ME1: variants seen among roughly 807,000 people sequenced by gnomAD.
The protein encoded by ME1 is NADP-dependent malic enzyme.
ME1 carries 74 observed loss-of-function variants against 66.4 expected under a neutral mutation model. The ratio of observed to expected loss-of-function variants is 1.11; its 90% CI spans 0.92 to 1.35. ME1 has a LOEUF of 1.35. Among genes scored for constraint, ME1 ranks in the 40% most tolerant of loss-of-function variants. The pLI is 0.00. For synonymous variants in ME1, 251 were observed against 235.6 expected (o/e 1.07, Z -0.60); for missense variants, 750 against 694.1 (o/e 1.08, Z -0.90).
At chr6:83,246,568 T>C (rs1790627838) in intron 7 of ME1, among the ~76,000 whole-genome samples, 1 of 152,148 alleles carries the variant, frequency 6.6e-6, no homozygotes, top group Non-Finnish European at 1.5e-5. Flanking sequence ...AAAATATTAT[T>C]TTGTACAGTT....
Position 83,352,153 on chromosome 6 carries a change from A to G in ME1, c.363-14T>C. On this transcript the variant is annotated splice_polypyrimidine_tract_variant and intron_variant, in intron 3 of 13. Transcript: ENST00000369705. ...ATAAAGAGACCTCTGCAGAAAAAAA[A>G]AAAAAAAAAGGAGTAGTTTACATTT... The G allele has an allele frequency of 1.3e-6, 2 of 1,506,144 alleles. No homozygotes were observed. The highest frequency in any genetic ancestry group is 1.4e-5 in the African/African-American group (1 of 69,576). 93.3% of individuals were successfully genotyped at this position (1,506,144 alleles called of 1,614,324 possible).
intron 6 of ME1, among the ~76,000 whole-genome samples, chr6:83,281,492 C>G (rs559657275): frequency 1.4e-4 from 22 of 152,106 alleles, no homozygotes; most frequent in African/African-American, 4.8e-4. Flanking sequence ...CTGAAAATGT[C>G]AAGGCAAGGC....
intron 1 of ME1, among the ~76,000 whole-genome samples, chr6:83,426,811 T>G (rs1002940772): frequency 2.0e-5 from 3 of 152,208 alleles, no homozygotes; most frequent in African/African-American, 4.8e-5. Context: ...AAGAGTGGTG[T>G]TGTTTGGAGA....
intron 6 of ME1, among the ~76,000 whole-genome samples, chr6:83,312,155 CA>C (rs1362879861): frequency 2.6e-5 from 4 of 152,132 alleles, no homozygotes; most frequent in African/African-American, 9.7e-5. Flanking sequence ...GCCCTTTACC[CA>C]AGTAACTATG....
At chr6:83,426,555 T>C (rs1770373850) in intron 1 of ME1, among the ~76,000 whole-genome samples, 1 of 152,248 alleles carries the variant, frequency 6.6e-6, no homozygotes, top group African/African-American at 2.4e-5. Flanking sequence ...TCAGGTCTAG[T>C]TTACATTGAA....
intron 13 of ME1, among the ~76,000 whole-genome samples, chr6:83,215,480 T>TTTAGC: frequency 6.6e-6 from 1 of 152,350 alleles, no homozygotes; most frequent in Non-Finnish European, 1.5e-5. Flanking sequence ...CTAAACTGTG[T>TTTAGC]TCCTCCCACC....
At chr6:83,283,759 C>T (rs1199828742) in intron 6 of ME1, among the ~76,000 whole-genome samples, 1 of 152,084 alleles carries the variant, frequency 6.6e-6, no homozygotes, top group Non-Finnish European at 1.5e-5. Context: ...AAGAAAATTT[C>T]CCTAATCTTG....
At chr6:83,403,711 C>T (rs1769878517) in intron 2 of ME1, among the ~76,000 whole-genome samples, 1 of 152,080 alleles carries the variant, frequency 6.6e-6, no homozygotes, top group Non-Finnish European at 1.5e-5. Context: ...TCCATGTGTT[C>T]TCATTGTTCA....
intron 6 of ME1, among the ~76,000 whole-genome samples, chr6:83,270,767 T>C (rs1367037428): frequency 6.6e-6 from 1 of 152,134 alleles, no homozygotes; most frequent in Non-Finnish European, 1.5e-5. Flanking sequence ...AAAATACCTT[T>C]TCACAGTCCA....
intron 6 of ME1, among the ~76,000 whole-genome samples, chr6:83,288,910 G>A (rs967558020): frequency 5.3e-5 from 8 of 152,126 alleles, no homozygotes; most frequent in African/African-American, 1.9e-4. Flanking sequence ...TATTCTCTGA[G>A]TAGCAGTTGT....
chr6:83,301,594 C>T (rs1197164375), intron 6 of ME1, among the ~76,000 whole-genome samples: 5 of 152,098 alleles, frequency 3.3e-5, no homozygotes, highest in Admixed American at 6.6e-5. Context: ...CCACCCACCT[C>T]GGCCTCCCAA....
intron 6 of ME1, among the ~76,000 whole-genome samples, chr6:83,267,600 T>C (rs1340428005): frequency 6.6e-6 from 1 of 152,200 alleles, no homozygotes; most frequent in Non-Finnish European, 1.5e-5. Flanking sequence ...GTATAAACTT[T>C]GCATTTTCTA....
At chr6:83,242,110 G>T (rs903485206) in intron 7 of ME1, among the ~76,000 whole-genome samples, 1 of 152,232 alleles carries the variant, frequency 6.6e-6, no homozygotes, top group African/African-American at 2.4e-5. Context: ...TGATCTGCCC[G>T]CCTCAGCCTC....
intron 6 of ME1, among the ~76,000 whole-genome samples, chr6:83,262,013 CAAAA>C (rs374491049): frequency 2.6e-5 from 2 of 77,230 alleles, no homozygotes; most frequent in Non-Finnish European, 2.5e-5. Context: ...GAATCCATCT[CAAAA>C]AAAAAAAAAA....
chr6:83,392,465 T>C (rs1769639809), intron 3 of ME1: 2 of 511,392 alleles, frequency 3.9e-6, no homozygotes, highest in Admixed American at 4.0e-5. Context: ...ATTGGCTGCC[T>C]GGTCACCAGG....
chr6:83,424,115 A>G (rs1770323505), intron 1 of ME1, among the ~76,000 whole-genome samples: 9 of 151,612 alleles, frequency 5.9e-5, no homozygotes, highest in Admixed American at 5.9e-4. Context: ...AAAAAAAGGT[A>G]TAAACATTAC....
chr6:83,253,312 T>C (rs1252511613), intron 7 of ME1, among the ~76,000 whole-genome samples: 1 of 152,172 alleles, frequency 6.6e-6, no homozygotes, highest in Non-Finnish European at 1.5e-5. Context: ...GAGAGAAGTA[T>C]GTATACTTTT....
rs888805577 is a variant in ME1 at position 83,348,995 on chromosome 6, A to AC, written c.439-2662_439-2661insG. ...GCAAAACTCTGTCTCAAAAAAAAAA[A>AC]AAAAAACAAAAAACAAAAAACAGTG... is the stretch of plus-strand genomic sequence containing the variant. On this transcript the variant is annotated intron_variant, in intron 4 of 13. Transcript: ENST00000369705. Among the ~76,000 whole-genome samples, 5 of 144,940 alleles carry AC rather than the reference A, an allele frequency of 3.4e-5. No individual in the cohort carries two copies. The South Asian group carries it at 8.5e-4, about 25-fold the overall frequency.
intron 1 of ME1, among the ~76,000 whole-genome samples, chr6:83,418,353 T>A (rs1012640085): frequency 6.6e-6 from 1 of 150,714 alleles, no homozygotes; most frequent in Non-Finnish European, 1.5e-5. Flanking sequence ...AGCCAGGAGG[T>A]TCAAGACCCA....
Sources: gnomAD v4.1 joint callset for allele counts (sites outside exome capture counted in the v4.1 genomes callset) on GRCh38, gnomAD v4.1.1 for gene constraint, MANE v1.5 for transcripts, NCBI Gene and HGNC (gene_info 2026-07-23, HGNC 2026-07-21) for gene names.